Variants in SH2B1 observed in about 807,000 individuals in gnomAD.
SH2B1 encodes the protein SH2B adapter protein 1.
Under a neutral mutation model 62.6 loss-of-function variants are expected in SH2B1, and 15 were observed. The observed-to-expected ratio is 0.24, with a 90% CI of 0.16 to 0.37. The LOEUF is 0.37. Among genes scored for constraint, SH2B1 ranks in the 10% least tolerant of loss-of-function variants. The pLI, the probability that SH2B1 is intolerant of heterozygous loss-of-function variation, is 1.00. For synonymous variants in SH2B1, 443 were observed against 438.0 expected, an observed-to-expected ratio of 1.01 and a Z score of -0.14; for missense variants, 925 against 1,015.6, an observed-to-expected ratio of 0.91 and a Z score of 1.21.
rs1963118996 is a variant in SH2B1 at position 28,872,877 on chromosome 16, C to T, written c.1897+172C>T. ...GGGGTTTGGAAGGGAAAGAAATGCGCTGATAGGACACAGGAAGGCAGAAGG... is the reference window on the plus strand; with the variant it reads ...GGGGTTTGGAAGGGAAAGAAATGCGTTGATAGGACACAGGAAGGCAGAAGG... On this transcript the variant is annotated intron_variant, in intron 7 of 7. Coordinates refer to ENST00000684370, the MANE Select transcript of SH2B1 (RefSeq NM_001387430.1). This position sits in a 1 kb window ranked among gnomAD's most constrained non-coding sequence, Gnocchi z 5.3. 7.7e-6 allele frequency: 7 copies of T among 910,998 alleles called. No homozygotes were observed. The highest frequency in any genetic ancestry group is 4.7e-5 in the South Asian group (3 of 64,322). 56.4% of individuals were successfully genotyped at this position (910,998 alleles called of 1,614,324 possible). A position where few individuals can be genotyped will look rare whatever the true frequency, so the allele number is the denominator to read the frequency against.
chr16:28,870,924 T>A (rs1284500003), intron 4 of SH2B1, among the ~76,000 whole-genome samples: 2 of 151,988 alleles, frequency 1.3e-5, no homozygotes, highest in Non-Finnish European at 2.9e-5. Flanking sequence ...TGGGCTCAAG[T>A]CATTCTCACA....
intron 1 of SH2B1, among the ~76,000 whole-genome samples, chr16:28,848,596 G>A (rs989301069): frequency 5.3e-5 from 8 of 150,946 alleles, no homozygotes; most frequent in African/African-American, 2.0e-4. Context: ...TTGCAGGTGT[G>A]AAAACTGACG....
upstream of SH2B1, chr16:28,863,751 G>A (rs759385843): frequency 2.8e-5 from 43 of 1,535,610 alleles, no homozygotes; most frequent in Admixed American, 3.9e-5. Flanking sequence ...GGAGGATGGC[G>A]GAAGTAAGTA....
chr16:28,854,657 G>A (rs1450649123), intron 1 of SH2B1, among the ~76,000 whole-genome samples: 1 of 152,122 alleles, frequency 6.6e-6, no homozygotes, highest in African/African-American at 2.4e-5. Flanking sequence ...TTGGAAGGCT[G>A]AGGCAGGAGG....
intron 1 of SH2B1, among the ~76,000 whole-genome samples, chr16:28,854,933 T>A (rs1281903382): frequency 6.6e-6 from 1 of 152,132 alleles, no homozygotes; most frequent in Non-Finnish European, 1.5e-5. Context: ...TGGAGTGCAG[T>A]GGCACAATCT....
rs1254886453 is a variant in SH2B1, at chr16:28,873,647, C to T, written c.2098C>T (p.Pro700Ser). The T allele has an allele frequency of 4.4e-5, 67 of 1,533,508 alleles. 1 individual carries two copies. Among genetic ancestry groups the T allele is most frequent in the Non-Finnish European group, 5.3e-5 (60 of 1,138,768 alleles). 95.0% of individuals were successfully genotyped at this position (1,533,508 alleles called of 1,614,324 possible). Residue 700 changes from proline to serine, a missense_variant, in exon 8 of 8, where the codon CCC (proline) becomes TCC (serine). Pro to Ser is a moderately conservative substitution (Grantham distance 74). This residue lies in a region of SH2B1 where 185 missense variants were observed against 189.5 expected (regional missense o/e 0.98). Coordinates refer to ENST00000684370, the MANE Select transcript of SH2B1 (RefSeq NM_001387430.1). This position sits in a 1 kb window ranked among gnomAD's most constrained non-coding sequence, Gnocchi z 4.2. ...GCTGGTCCCCGTGGTTGAGCTGGTC[C>T]CCGTGGTTGAATTGGAAGAGGCCAT... The part of the protein sequence containing the change: ...EELVPVVELV[P>S]VVELEEAIAP...
rs546325329 is a variant in SH2B1, at chr16:28,873,969, G to A, written c.*149G>A. Reference sequence around the variant, plus strand: ...TCTTTGATGGTACAAGCAGAGGCTCGGGAGAGGCTCCCGTCACACACTACA... The same window carrying A: ...TCTTTGATGGTACAAGCAGAGGCTCAGGAGAGGCTCCCGTCACACACTACA... On this transcript the variant is annotated 3_prime_UTR_variant, in exon 8 of 8. Transcript: ENST00000684370. The surrounding 1 kb of genome is among the most constrained non-coding windows in gnomAD (Gnocchi z 4.2). The A allele has an allele frequency of 2.0e-5, 15 of 748,518 alleles. No homozygotes were observed. Among genetic ancestry groups the A allele is most frequent in the Admixed American group, 4.1e-5 (1 of 24,610 alleles). The allele number at this position is 748,518 out of a possible 1,614,324, so 46.4% of individuals were successfully genotyped here. A position where few individuals can be genotyped will look rare whatever the true frequency, so the allele number is the denominator to read the frequency against.
At chr16:28,854,788 C>T (rs941140496) in intron 1 of SH2B1, among the ~76,000 whole-genome samples, 2 of 152,120 alleles carry the variant, frequency 1.3e-5, no homozygotes, top group Admixed American at 6.6e-5. Flanking sequence ...TAAAATTCTC[C>T]GTGTGTCCCA....
chr16:28,874,037 T>G lies in SH2B1; in HGVS notation c.*217T>G, dbSNP rs1022709970. ...AGGGGATTTGGGCTCCATGAGCTCC[T>G]TGAGGGGCTCTTCTGGTCAGCCCCA... On this transcript the variant is annotated 3_prime_UTR_variant, in exon 8 of 8. Coordinates refer to ENST00000684370, the MANE Select transcript of SH2B1 (RefSeq NM_001387430.1). 28 of 410,304 alleles carry G rather than the reference T, an allele frequency of 6.8e-5. No homozygotes were observed. Among genetic ancestry groups the G allele is most frequent in the Non-Finnish European group, 1.0e-4 (24 of 239,236 alleles). The allele number at this position is 410,304 out of a possible 1,614,324, so 25.4% of individuals were successfully genotyped here. A position where few individuals can be genotyped will look rare whatever the true frequency, so the allele number is the denominator to read the frequency against.
Position 28,852,340 on chromosome 16 carries a change from TTACATATATATTTA to T in SH2B1, c.-301+5516_-301+5529del, listed in dbSNP as rs1345987009. On this transcript the variant is annotated intron_variant, in intron 1 of 10. Coordinates refer to the SH2B1 transcript ENST00000322610. ...TACATATATATATTTACATATATAT[TTACATATATATTTA>T]TATATATATTTATATATATTTACAT... Among the ~76,000 whole-genome samples the T allele has an allele frequency of 7.9e-5, 5 of 63,054 alleles. 1 individual carries two copies. The highest frequency in any genetic ancestry group is 3.7e-4 in the African/African-American group (5 of 13,408). The allele number at this position is 63,054 out of a possible 152,430, so 41.4% of individuals were successfully genotyped here. A position where few individuals can be genotyped will look rare whatever the true frequency, so the allele number is the denominator to read the frequency against.
At chr16:28,860,706 G>C (rs1248854902), upstream of SH2B1, among the ~76,000 whole-genome samples, 1 of 152,082 alleles carries the variant, frequency 6.6e-6, no homozygotes, top group African/African-American at 2.4e-5. Context: ...TATATCATTT[G>C]TGTTTGTGTT....
At chr16:28,854,595 G>A (rs7187333) in intron 1 of SH2B1, among the ~76,000 whole-genome samples, 43,688 of 151,822 alleles carry the variant, frequency 0.29, 7,997 homozygotes, top group Non-Finnish European at 0.39. Flanking sequence ...GTCTCTACAA[G>A]AAATAGAAAA....
chr16:28,848,036 G>A (rs1326014676), intron 1 of SH2B1, among the ~76,000 whole-genome samples: 1 of 151,794 alleles, frequency 6.6e-6, no homozygotes, highest in Non-Finnish European at 1.5e-5. Flanking sequence ...TCGTTGGCCA[G>A]ACGGCTCTCG....
Position 28,871,783 on chromosome 16 carries a change from C to G in SH2B1, c.1313C>G (p.Ala438Gly), listed in dbSNP as rs1219390235. ...GCTTTGCCCTTTTTTTTTCCAGGGG[C>G]ATATGGGGGCCTCTCAGACCGCCCC... The part of the protein sequence containing the change: ...SESNDRLSQG[A>G]YGGLSDRPSA... Residue 438 changes from alanine (A) to glycine (G), a missense_variant, in exon 5 of 8, where the codon GCA (alanine) becomes GGA (glycine). Ala to Gly is a moderately conservative substitution (Grantham distance 60). Transcript: ENST00000684370. The G allele has an allele frequency of 6.2e-7, 1 of 1,613,246 alleles. No individual in the cohort carries two copies. Among genetic ancestry groups the G allele is most frequent in the Non-Finnish European group, 8.5e-7 (1 of 1,179,376 alleles).
chr16:28,863,967 C>T lies in SH2B1; in HGVS notation c.-2128C>T, dbSNP rs1024781856. 2.1e-6 allele frequency: 3 copies of T among 1,443,662 alleles called. No individual in the cohort carries two copies. The highest frequency in any genetic ancestry group is 1.4e-5 in the South Asian group (1 of 69,504). The allele number at this position is 1,443,662 out of a possible 1,614,324, so 89.4% of individuals were successfully genotyped here. A position where few individuals can be genotyped will look rare whatever the true frequency, so the allele number is the denominator to read the frequency against. On this transcript the variant is annotated 5_prime_UTR_variant, in exon 1 of 8. Coordinates refer to ENST00000684370, the MANE Select transcript of SH2B1 (RefSeq NM_001387430.1). Reference sequence around the variant, plus strand: ...GCAGGTGGGACCGGAACCGGAACCCCCCTCTTCAAGTACCTTTTCCCTCTC... The same window carrying T: ...GCAGGTGGGACCGGAACCGGAACCCTCCTCTTCAAGTACCTTTTCCCTCTC...
chr16:28,857,674 C>CGTG (rs1962350135), intron 1 of SH2B1, among the ~76,000 whole-genome samples: 1 of 151,940 alleles, frequency 6.6e-6, no homozygotes, highest in Non-Finnish European at 1.5e-5. Context: ...AAGCAGGGCA[C>CGTG]GTCACCTCCC....
intron 2 of SH2B1, among the ~76,000 whole-genome samples, chr16:28,867,993 T>C (rs1209865054): frequency 1.3e-5 from 2 of 152,156 alleles, no homozygotes; most frequent in Admixed American, 1.3e-4. Context: ...TATGCCCAGC[T>C]AATTTTTTGT....
rs138360008 is a variant in SH2B1, at chr16:28,872,383, C to T, written c.1707C>T (p.Asn569=). The change falls in exon 6 of 8, where the codon AAC becomes AAT. Residue 569 remains asparagine (N), a synonymous_variant. Transcript: ENST00000684370. This position sits in a 1 kb window ranked among gnomAD's most constrained non-coding sequence, Gnocchi z 5.3. ...GGGGTGAATACGTCCTCACCTTCAA[C>T]TTCCAGGGCAAGGCCAAGGTGAGCC... ...TRRGEYVLTF[N]FQGKAKHLRL... is the part of the protein sequence containing the mutation. 2.4e-4 allele frequency: 381 copies of T among 1,606,692 alleles called. 1 individual carries two copies. The highest frequency in any genetic ancestry group is 3.0e-4 in the Non-Finnish European group (352 of 1,175,400).
chr16:28,873,491 T>G lies in SH2B1; in HGVS notation c.1942T>G (p.Ser648Ala). ...CCCACCCCAGCCCCCTGAACCCCCT[T>G]CATGGACAGATCCCCCACAGCCTGG... ...HDPPQPPEPP[S>A]WTDPPQPGAE... Residue 648 changes from serine (S) to alanine (A), a missense_variant, in exon 8 of 8, where the codon TCA becomes GCA. Physicochemically the swap from Ser to Ala is moderately conservative, Grantham distance 99. This residue lies in a region of SH2B1 where 185 missense variants were observed against 189.5 expected (regional missense o/e 0.98). Transcript: ENST00000684370. The surrounding 1 kb of genome is among the most constrained non-coding windows in gnomAD (Gnocchi z 4.2). The G allele has an allele frequency of 6.3e-7, 1 of 1,584,958 alleles. No homozygotes were observed. The highest frequency in any genetic ancestry group is 8.6e-7 in the Non-Finnish European group (1 of 1,168,376).
Sources: gnomAD v4.1 joint callset for allele counts (sites outside exome capture counted in the v4.1 genomes callset) on GRCh38, gnomAD v4.1.1 for gene constraint, gnomAD v4.1.1 regional missense constraint, Gnocchi (gnomAD v3.1) non-coding constraint, MANE v1.5 for transcripts, NCBI Gene and HGNC (gene_info 2026-07-23, HGNC 2026-07-21) for gene names.